Variants in EYS observed in about 807,000 individuals in gnomAD.
EYS encodes the protein EGF-like photoreceptor maintenance factor, also known as protein eyes shut homolog.
Under a neutral mutation model 282.1 loss-of-function variants are expected in EYS, and 250 were observed. The ratio of observed to expected loss-of-function variants is 0.89; its 90% confidence interval spans 0.80 to 0.98. The LOEUF is 0.98. Among genes scored for constraint, EYS ranks in the 50% least tolerant of loss-of-function variants. The probability of loss-of-function intolerance (pLI) is 0.00; values close to 1 mark genes in which losing one functional copy is unlikely to be tolerated. For missense variants in EYS, 4,016 were observed against 3,709.0 expected, an observed-to-expected ratio of 1.08 and a Z score of -2.15; for synonymous variants, 1,355 against 1,282.9, an observed-to-expected ratio of 1.06 and a Z score of -1.20.
chr6:64,254,725 T>C (rs563913146), intron 30 of EYS, among the ~76,000 whole-genome samples: 1 of 152,240 alleles, frequency 6.6e-6, no homozygotes, highest in Non-Finnish European at 1.5e-5. Context: ...CACTCCCGTA[T>C]TCTTGCCACG....
At chr6:64,603,845 TA>T (rs1766837423) in intron 24 of EYS, among the ~76,000 whole-genome samples, 1 of 148,370 alleles carries the variant, frequency 6.7e-6, no homozygotes, top group Admixed American at 6.8e-5. Flanking sequence ...TGTATACTAC[TA>T]AAGTAAATGA....
At chr6:64,193,694 C>T (rs761614713) in intron 31 of EYS, among the ~76,000 whole-genome samples, 4 of 151,988 alleles carry the variant, frequency 2.6e-5, no homozygotes, top group Non-Finnish European at 5.9e-5. Flanking sequence ...TGTTCCCCAC[C>T]CTGTGTCCAA....
Position 64,196,375 on chromosome 6 carries a change from C to T in EYS, c.6424+34217G>A, listed in dbSNP as rs1582412150. Among the ~76,000 whole-genome samples, 18 of 152,246 alleles carry T rather than the reference C, an allele frequency of 1.2e-4. No homozygotes were observed. In the South Asian group the frequency reaches 3.7e-3, roughly 32 times the overall value. ...TCTTGAACTAGAAATACCATTTGAC[C>T]CAGCCATCCCATTACTGGGTATACA... On this transcript the variant is annotated intron_variant, in intron 31 of 42. Transcript: ENST00000503581.
chr6:64,909,426 G>A (rs960086175), intron 16 of EYS, among the ~76,000 whole-genome samples: 9 of 152,082 alleles, frequency 5.9e-5, no homozygotes, highest in East Asian at 1.9e-4. Flanking sequence ...CTCATAAAAT[G>A]TGCCTTCCTA....
intron 12 of EYS, among the ~76,000 whole-genome samples, chr6:65,114,364 A>AAGC (rs989112831): frequency 1.3e-4 from 11 of 85,516 alleles, no homozygotes; most frequent in African/African-American, 5.4e-4. Context: ...AAAAAAAAAA[A>AAGC]AGCAGCAGCA....
At chr6:64,562,317 C>A (rs1481915944) in intron 26 of EYS, among the ~76,000 whole-genome samples, 1 of 151,560 alleles carries the variant, frequency 6.6e-6, no homozygotes, top group Non-Finnish European at 1.5e-5. Flanking sequence ...TTTTTAATGG[C>A]CAATATTTTG....
intron 41 of EYS, among the ~76,000 whole-genome samples, chr6:63,753,148 A>ATATATATATATATATG (rs1769385932): frequency 8.6e-6 from 1 of 115,638 alleles, no homozygotes; most frequent in African/African-American, 3.4e-5. Flanking sequence ...GTGTATATAT[A>ATATATATATATATATG]TATATATATA....
intron 2 of EYS, among the ~76,000 whole-genome samples, chr6:65,590,675 T>C (rs558073229): frequency 6.6e-6 from 1 of 152,176 alleles, no homozygotes; most frequent in South Asian, 2.1e-4. Context: ...TTCTACTCTT[T>C]ACTTCTAGAA....
At chr6:64,668,802 C>T (rs1436100750) in intron 22 of EYS, among the ~76,000 whole-genome samples, 5 of 151,826 alleles carry the variant, frequency 3.3e-5, no homozygotes, top group African/African-American at 4.8e-5. Context: ...CTCCTGACCT[C>T]GTGATCCACC....
intron 1 of EYS, among the ~76,000 whole-genome samples, chr6:65,668,616 A>T (rs1445924343): frequency 1.3e-5 from 2 of 151,892 alleles, no homozygotes; most frequent in African/African-American, 4.8e-5. Flanking sequence ...TTTTACAGAG[A>T]TTAAAAACTA....
At chr6:65,663,971 A>G (rs1015262510) in intron 1 of EYS, among the ~76,000 whole-genome samples, 1 of 143,190 alleles carries the variant, frequency 7.0e-6, no homozygotes, top group Non-Finnish European at 1.5e-5. Context: ...TCACGGGTTC[A>G]GGCCATTCTC....
chr6:64,180,102 T>C (rs976349160), intron 31 of EYS, among the ~76,000 whole-genome samples: 10 of 152,156 alleles, frequency 6.6e-5, no homozygotes, highest in Non-Finnish European at 2.9e-5. Flanking sequence ...GGTTTTTCTA[T>C]TAATAACACT....
intron 1 of EYS, among the ~76,000 whole-genome samples, chr6:65,640,811 T>C (rs910534947): frequency 2.0e-5 from 3 of 152,180 alleles, no homozygotes; most frequent in African/African-American, 7.2e-5. Context: ...TATTTCTTTT[T>C]TCCTGAAATT....
intron 12 of EYS, among the ~76,000 whole-genome samples, chr6:65,083,903 G>C (rs527327475): frequency 1.7e-3 from 257 of 151,638 alleles, no homozygotes; most frequent in African/African-American, 6.0e-3. Flanking sequence ...ATTACTCTAA[G>C]CCATAGGTTG....
intron 12 of EYS, among the ~76,000 whole-genome samples, chr6:65,232,290 G>T (rs1171094139): frequency 6.6e-6 from 1 of 151,912 alleles, no homozygotes; most frequent in Non-Finnish European, 1.5e-5. Context: ...CTACAGAGAA[G>T]AAAAAAGTAA....
intron 35 of EYS, among the ~76,000 whole-genome samples, chr6:63,954,833 C>T (rs899957206): frequency 4.6e-5 from 7 of 152,154 alleles, no homozygotes; most frequent in Admixed American, 3.3e-4. Context: ...ATTTCATAAC[C>T]TCTTCCATGT....
chr6:64,997,145 G>A (rs1044704641), intron 14 of EYS, among the ~76,000 whole-genome samples: 2 of 152,110 alleles, frequency 1.3e-5, no homozygotes, highest in African/African-American at 4.8e-5. Flanking sequence ...ACAGATGAGT[G>A]AAGGAAACTG....
In EYS at chr6:65,344,072, G is replaced by T. The variant is rs1383137389; in HGVS notation, c.1565C>A (p.Ser522Tyr). 2.5e-6 allele frequency: 4 copies of T among 1,610,724 alleles called. No individual in the cohort carries two copies. The highest frequency in any genetic ancestry group is 3.4e-5 in the Admixed American group (2 of 59,676). Reference protein sequence around the residue: ...TYVNDPEDNNSSCWFPHEGTK... With the variant: ...TYVNDPEDNNYSCWFPHEGTK... ...GCCTTCATGTGGGAACCAACATGAA[G>T]AATTATTATCTTCAGGATCGTTCAC... Residue 522 changes from serine to tyrosine, a missense_variant, in exon 10 of 43, where the codon TCT becomes TAT. By Grantham distance (144) the Ser-to-Tyr change is moderately radical (BLOSUM62 -2). Transcript: ENST00000503581.
rs549270916 is a variant in EYS at position 65,155,519 on chromosome 6, T to A, written c.2024-97792A>T. Among the ~76,000 whole-genome samples the A allele has an allele frequency of 5.9e-5, 9 of 151,658 alleles. No individual in the cohort carries two copies. In the East Asian group the frequency reaches 1.8e-3, roughly 30 times the overall value. On this transcript the variant is annotated intron_variant, in intron 12 of 42. Coordinates refer to ENST00000503581, the MANE Select transcript of EYS (RefSeq NM_001142800.2). ...CCAAAGGGGGAGTTTGTAGATTAAATGAGTCTTGGAAACGTTTGCTGAAAT... is the reference window on the plus strand; with the variant it reads ...CCAAAGGGGGAGTTTGTAGATTAAAAGAGTCTTGGAAACGTTTGCTGAAAT...
Sources: allele counts gnomAD v4.1 joint callset (sites outside exome capture counted in the v4.1 genomes callset), GRCh38; gene constraint gnomAD v4.1.1; transcripts MANE v1.5; gene names NCBI Gene and HGNC (gene_info 2026-07-23, HGNC 2026-07-21).